The following CSNK1G2 variants were observed in gnomAD, a reference collection of about 807,000 sequenced individuals.
The protein encoded by CSNK1G2 is casein kinase 1 gamma 2.
In CSNK1G2, 11 loss-of-function variants were observed where a neutral mutation model predicts 48.0. The observed-to-expected ratio is 0.23, with a 90% CI of 0.14 to 0.38. CSNK1G2 has a LOEUF of 0.38. Among genes scored for constraint, CSNK1G2 ranks in the 10% least tolerant of loss-of-function variants. The pLI is 1.00. For synonymous variants in CSNK1G2, 337 were observed against 254.1 expected (o/e 1.33, Z -3.10); for missense variants, 446 against 595.5 (o/e 0.75, Z 2.61).
chr19:1,971,370 C>T (rs531961892), intron 2 of CSNK1G2, among the ~76,000 whole-genome samples: 47 of 152,366 alleles, frequency 3.1e-4, no homozygotes, highest in African/African-American at 1.0e-3. Flanking sequence ...GCCTCACTGC[C>T]GGTCCGACGG....
Position 1,969,940 on chromosome 19 carries a change from C to T in CSNK1G2, c.168C>T (p.Asn56=), listed in dbSNP as rs775401378. 1 of 1,309,842 alleles carries T rather than the reference C, an allele frequency of 7.6e-7. No homozygotes were observed. The highest frequency in any genetic ancestry group is 3.1e-5 in the Admixed American group (1 of 32,732). The allele number at this position is 1,309,842 out of a possible 1,614,324, so 81.1% of individuals were successfully genotyped here. A position where few individuals can be genotyped will look rare whatever the true frequency, so the allele number is the denominator to read the frequency against. Residue 56 remains asparagine, a synonymous_variant, in exon 2 of 12, where the codon AAC becomes AAT. Coordinates refer to ENST00000255641, the MANE Select transcript of CSNK1G2 (RefSeq NM_001319.7). The stretch of plus-strand genomic sequence containing the variant: ...TCGGCAAGAAGATCGGCTGCGGCAA[C>T]TTCGGGGAGCTCCGCCTAGGTGAGG... The part of the protein sequence containing the change: ...FRVGKKIGCG[N]FGELRLGKNL...
intron 1 of CSNK1G2, among the ~76,000 whole-genome samples, chr19:1,962,875 G>A (rs2015244458): frequency 6.6e-6 from 1 of 152,172 alleles, no homozygotes; most frequent in South Asian, 2.1e-4. Flanking sequence ...GCAGAAGCCC[G>A]TGCGCAGACG....
chr19:1,943,274 C>T (rs780457249), intron 1 of CSNK1G2, among the ~76,000 whole-genome samples: 2 of 152,140 alleles, frequency 1.3e-5, no homozygotes, highest in South Asian at 2.1e-4. Flanking sequence ...TGTCTAGGGG[C>T]TTCCTGTCTG....
chr19:1,943,734 T>C (rs1483974027), intron 1 of CSNK1G2, among the ~76,000 whole-genome samples: 1 of 152,168 alleles, frequency 6.6e-6, no homozygotes, highest in African/African-American at 2.4e-5. Flanking sequence ...AAGCTGAGCT[T>C]AGGGACAGCC....
chr19:1,942,899 G>T (rs758659482), intron 1 of CSNK1G2, among the ~76,000 whole-genome samples: 4 of 152,182 alleles, frequency 2.6e-5, no homozygotes, highest in Non-Finnish European at 5.9e-5. Flanking sequence ...GCTGACTGAT[G>T]AGTTTCCCAG....
intron 1 of CSNK1G2, among the ~76,000 whole-genome samples, chr19:1,945,454 C>T (rs1012305916): frequency 6.6e-6 from 1 of 152,238 alleles, no homozygotes; most frequent in Non-Finnish European, 1.5e-5. Flanking sequence ...CACCCTCAGG[C>T]GTGCTCCTGG....
At chr19:1,964,461 T>G (rs1285976279) in intron 1 of CSNK1G2, among the ~76,000 whole-genome samples, 1 of 152,144 alleles carries the variant, frequency 6.6e-6, no homozygotes, top group African/African-American at 2.4e-5. Flanking sequence ...TTTCCTCGTG[T>G]GGAAGAAGCG....
intron 1 of CSNK1G2, among the ~76,000 whole-genome samples, chr19:1,941,800 C>T (rs1033738407): frequency 1.3e-5 from 2 of 149,328 alleles, no homozygotes; most frequent in Non-Finnish European, 3.0e-5. Flanking sequence ...CTCTGCACCC[C>T]GGTGACTGTC....
intron 1 of CSNK1G2, among the ~76,000 whole-genome samples, chr19:1,961,250 G>C (rs1255727901): frequency 6.6e-6 from 1 of 152,256 alleles, no homozygotes; most frequent in African/African-American, 2.4e-5. Flanking sequence ...CTGTGGAGGG[G>C]CGTGGAGGGG....
At chr19:1,976,204 C>T (rs2015748386) in intron 2 of CSNK1G2, 4 of 884,874 alleles carry the variant, frequency 4.5e-6, no homozygotes, top group Non-Finnish European at 6.4e-6. Context: ...TAACGTGTTA[C>T]ACTGGGGAGA....
In CSNK1G2 at chr19:1,978,213, C is replaced by T. The variant is rs1036350937; in HGVS notation, c.188-92C>T. ...CATTTGGAGGGTGGTCCTTCAGGGA[C>T]CCCCTCCTGCCTCCTGCCTCGGGGG... On this transcript the variant is annotated intron_variant, in intron 2 of 11. Transcript: ENST00000255641. This position sits in a 1 kb window ranked among gnomAD's most constrained non-coding sequence, Gnocchi z 7.3. 8 of 1,341,884 alleles carry T rather than the reference C, an allele frequency of 6.0e-6. No homozygotes were observed. The highest frequency in any genetic ancestry group is 2.4e-5 in the South Asian group (2 of 84,512). The allele number at this position is 1,341,884 out of a possible 1,614,324, so 83.1% of individuals were successfully genotyped here. A position where few individuals can be genotyped will look rare whatever the true frequency, so the allele number is the denominator to read the frequency against.
At chr19:1,955,446 G>A (rs1231975594) in intron 1 of CSNK1G2, among the ~76,000 whole-genome samples, 2 of 150,090 alleles carry the variant, frequency 1.3e-5, no homozygotes, top group African/African-American at 5.1e-5. Flanking sequence ...GCCCTTCACC[G>A]GCTGTGGGTC....
rs540582543 is a variant in CSNK1G2, at chr19:1,979,649, TG to T, written c.1002+13del. 1.2e-5 allele frequency: 19 copies of T among 1,602,102 alleles called. No homozygotes were observed. Among genetic ancestry groups the T allele is most frequent in the African/African-American group, 2.7e-5 (2 of 74,828 alleles). ...ACTGGGCCGGGAAGCCCCTGGTAGGTGGGGGGGTGCCGGTATGTGGGAGCGG... is the reference window on the plus strand; with the variant it reads ...ACTGGGCCGGGAAGCCCCTGGTAGGTGGGGGGTGCCGGTATGTGGGAGCGG... On this transcript the variant is annotated splice_region_variant and intron_variant, in intron 9 of 11. Coordinates refer to ENST00000255641, the MANE Select transcript of CSNK1G2 (RefSeq NM_001319.7).
intron 1 of CSNK1G2, among the ~76,000 whole-genome samples, chr19:1,966,269 A>G (rs1259926906): frequency 3.3e-5 from 5 of 152,194 alleles, no homozygotes; most frequent in Non-Finnish European, 7.3e-5. Flanking sequence ...AGGAGGTAAC[A>G]TGTCAGGATG....
At chr19:1,962,465 G>A (rs2015229865) in intron 1 of CSNK1G2, among the ~76,000 whole-genome samples, 1 of 150,954 alleles carries the variant, frequency 6.6e-6, no homozygotes, top group Admixed American at 6.6e-5. Flanking sequence ...CCAGGAGTTT[G>A]AGACCAGCCT....
chr19:1,951,086 T>G (rs1256831776), intron 1 of CSNK1G2, among the ~76,000 whole-genome samples: 1 of 145,088 alleles, frequency 6.9e-6, no homozygotes, highest in Non-Finnish European at 1.5e-5. Context: ...AGGCAACACT[T>G]TCTACCGTTT....
chr19:1,974,654 A>C (rs377576379), intron 2 of CSNK1G2: 1 of 151,842 alleles, frequency 6.6e-6, no homozygotes, highest in Non-Finnish European at 1.5e-5. Flanking sequence ...TTGAGCGCTG[A>C]GTTTGTCCCC....
At chr19:1,943,878 T>TGGCGGAG (rs1483651878) in intron 1 of CSNK1G2, among the ~76,000 whole-genome samples, 2 of 152,196 alleles carry the variant, frequency 1.3e-5, no homozygotes, top group Admixed American at 1.3e-4. Context: ...GACCGAGGCC[T>TGGCGGAG]GGCGGAGGGC....
At position 1,954,923 on chromosome 19, in the gene CSNK1G2, C is replaced by T. The variant is rs533544471; in HGVS notation, c.-266+13505C>T. Among the ~76,000 whole-genome samples, 29 of 152,256 alleles carry T rather than the reference C, an allele frequency of 1.9e-4. 1 individual carries two copies. Among genetic ancestry groups the T allele is most frequent in the African/African-American group, 5.8e-4 (24 of 41,542 alleles). On this transcript the variant is annotated intron_variant, in intron 1 of 11. Coordinates refer to ENST00000255641, the MANE Select transcript of CSNK1G2 (RefSeq NM_001319.7). ...AGGATCAGCGTCCCTTCGTCCCTCC[C>T]TGGGGTTGTTGCTTTTCGCTGTGGC... is the stretch of plus-strand genomic sequence containing the variant.
Sources: allele counts gnomAD v4.1 joint callset (sites outside exome capture counted in the v4.1 genomes callset), GRCh38; gene constraint gnomAD v4.1.1; non-coding constraint Gnocchi (gnomAD v3.1); transcripts MANE v1.5; gene names NCBI Gene and HGNC (gene_info 2026-07-23, HGNC 2026-07-21).